Variants in MAP2K5 observed in about 807,000 individuals in gnomAD.
MAP2K5 encodes the protein mitogen-activated protein kinase kinase 5, also known as dual specificity mitogen-activated protein kinase kinase 5.
Under a neutral mutation model 83.1 loss-of-function variants are expected in MAP2K5, and 49 were observed. That is an observed-to-expected ratio of 0.59 (90% CI 0.47 to 0.75). The LOEUF (loss-of-function observed/expected upper bound fraction) is 0.75. Among genes scored for constraint, MAP2K5 ranks in the 30% least tolerant of loss-of-function variants. MAP2K5 has a pLI of 0.00. For missense variants in MAP2K5, 457 were observed against 557.5 expected (o/e 0.82, Z 1.82); for synonymous variants, 202 against 191.8 (o/e 1.05, Z -0.44).
intron 15 of MAP2K5, among the ~76,000 whole-genome samples, chr15:67,699,760 A>T (rs772415965): frequency 1.3e-5 from 2 of 152,220 alleles, no homozygotes; most frequent in Non-Finnish European, 2.9e-5. Context: ...CAGACTTAAG[A>T]TCACACATTT....
chr15:67,784,227 G>A (rs1386435516), intron 21 of MAP2K5, among the ~76,000 whole-genome samples: 1 of 152,160 alleles, frequency 6.6e-6, no homozygotes, highest in Non-Finnish European at 1.5e-5. Flanking sequence ...CTTGCCTAGA[G>A]TCACACAGCC....
In MAP2K5 at chr15:67,749,708, G is replaced by A. The variant is rs60375624; in HGVS notation, c.1134+1107G>A. ...ATGTTGATGTAAAAATGAAGGCATC[G>A]TCCTGAAACAAATGGAGGCTCCATT... is the stretch of plus-strand genomic sequence containing the variant. On this transcript the variant is annotated intron_variant, in intron 19 of 21. Coordinates refer to ENST00000178640, the MANE Select transcript of MAP2K5 (RefSeq NM_145160.3). This position sits in a 1 kb window ranked among gnomAD's most constrained non-coding sequence, Gnocchi z 4.6. 3.3e-5 allele frequency among the ~76,000 whole-genome samples: 5 copies of A among 152,262 alleles called. No individual in the cohort carries two copies. The highest frequency in any genetic ancestry group is 1.9e-4 in the East Asian group (1 of 5,184).
intron 4 of MAP2K5, among the ~76,000 whole-genome samples, chr15:67,584,228 T>C (rs1321312483): frequency 6.6e-6 from 1 of 152,214 alleles, no homozygotes; most frequent in Non-Finnish European, 1.5e-5. Flanking sequence ...AAATATGAGG[T>C]TACTGGGTTT....
At chr15:67,723,741 C>G (rs1428701446) in intron 16 of MAP2K5, among the ~76,000 whole-genome samples, 6 of 151,342 alleles carry the variant, frequency 4.0e-5, no homozygotes, top group Non-Finnish European at 7.4e-5. Context: ...CTACATTTTT[C>G]AGTACACTTT....
chr15:67,718,222 A>T (rs917720001), intron 16 of MAP2K5: 3 of 152,144 alleles, frequency 2.0e-5, no homozygotes, highest in Non-Finnish European at 4.4e-5. Flanking sequence ...CCCAGCCCTG[A>T]TGTTTTCTCA....
chr15:67,619,642 T>G (rs1293104656), intron 8 of MAP2K5, among the ~76,000 whole-genome samples: 3 of 152,162 alleles, frequency 2.0e-5, no homozygotes, highest in Admixed American at 6.5e-5. Flanking sequence ...GTCTACAATA[T>G]AGTTAAATAA....
chr15:67,654,827 G>A (rs1300175713), intron 11 of MAP2K5, among the ~76,000 whole-genome samples: 1 of 152,050 alleles, frequency 6.6e-6, no homozygotes, highest in Non-Finnish European at 1.5e-5. Context: ...TTGGGAGGCC[G>A]AGGTGCGCGG....
chr15:67,640,471 C>T lies in MAP2K5; in HGVS notation c.586-5760C>T. Reference sequence around the variant, plus strand: ...TGTGACTTCAAGCATGTCACTTGAACCTCCCAGTGACCTCAGCTGTGAAAC... The same window carrying T: ...TGTGACTTCAAGCATGTCACTTGAATCTCCCAGTGACCTCAGCTGTGAAAC... On this transcript the variant is annotated intron_variant, in intron 9 of 21. Transcript: ENST00000178640. The surrounding 1 kb of genome is among the most constrained non-coding windows in gnomAD (Gnocchi z 4.6). The T allele has an allele frequency of 2.4e-6, 1 of 423,770 alleles. No individual in the cohort carries two copies. The highest frequency in any genetic ancestry group is 3.2e-6 in the Non-Finnish European group (1 of 316,346). The allele number at this position is 423,770 out of a possible 1,614,324, so 26.3% of individuals were successfully genotyped here.
At chr15:67,620,263 C>T (rs1251012546) in intron 8 of MAP2K5, among the ~76,000 whole-genome samples, 2 of 151,976 alleles carry the variant, frequency 1.3e-5, no homozygotes, top group Non-Finnish European at 2.9e-5. Context: ...CCCAGCTATT[C>T]GGGAGGCTGA....
chr15:67,713,123 A>T (rs2088736858), intron 16 of MAP2K5, among the ~76,000 whole-genome samples: 1 of 152,072 alleles, frequency 6.6e-6, no homozygotes, highest in African/African-American at 2.4e-5. Flanking sequence ...TAGTATTCCT[A>T]TAGAAAAAAA....
intron 21 of MAP2K5, among the ~76,000 whole-genome samples, chr15:67,806,323 G>A (rs1426235728): frequency 6.6e-6 from 1 of 152,264 alleles, no homozygotes; most frequent in Non-Finnish European, 1.5e-5. Context: ...GCCGGGCAGA[G>A]GAAGGGCCAG....
In MAP2K5 at chr15:67,748,482, A is replaced by G. The variant is rs548720438; in HGVS notation, c.1102-87A>G. Reference sequence around the variant, plus strand: ...TTGTTGATTAATCTTGCTATATTTTATTGCATTAATGATTTTTTCTTTCCA... The same window carrying G: ...TTGTTGATTAATCTTGCTATATTTTGTTGCATTAATGATTTTTTCTTTCCA... On this transcript the variant is annotated intron_variant, in intron 18 of 21. Transcript: ENST00000178640. The surrounding 1 kb of genome is among the most constrained non-coding windows in gnomAD (Gnocchi z 4.0). 204 of 1,123,038 alleles carry G rather than the reference A, an allele frequency of 1.8e-4. 1 individual carries two copies. The African/African-American group carries it at 2.9e-3, about 16-fold the overall frequency. 69.6% of individuals were successfully genotyped at this position (1,123,038 alleles called of 1,614,324 possible).
intron 21 of MAP2K5, among the ~76,000 whole-genome samples, chr15:67,796,038 G>C (rs1275901451): frequency 6.6e-6 from 1 of 151,844 alleles, no homozygotes; most frequent in East Asian, 1.9e-4. Context: ...TCTTCTTTTG[G>C]TTAGTATTTG....
At chr15:67,723,542 A>T (rs1359451776) in intron 16 of MAP2K5, among the ~76,000 whole-genome samples, 1 of 152,182 alleles carries the variant, frequency 6.6e-6, no homozygotes, top group East Asian at 1.9e-4. Flanking sequence ...CAGTTTGCTA[A>T]ATCTTAAGTA....
intron 1 of MAP2K5, chr15:67,549,181 A>T: frequency 6.5e-7 from 1 of 1,535,710 alleles, no homozygotes; most frequent in Non-Finnish European, 8.7e-7. Context: ...TGGACTGGAC[A>T]TGATGGAGGG....
chr15:67,804,718 C>T (rs552217489), intron 21 of MAP2K5, among the ~76,000 whole-genome samples: 7 of 152,160 alleles, frequency 4.6e-5, no homozygotes, highest in South Asian at 2.1e-4. Context: ...TTACCCCGGG[C>T]GTGGGGGGAG....
chr15:67,739,458 ATATATTTTTTTTTTTTTTTTTTTTT>A (rs1478900432), intron 17 of MAP2K5, among the ~76,000 whole-genome samples: 11 of 18,944 alleles, frequency 5.8e-4, no homozygotes, highest in Non-Finnish European at 9.0e-4. Flanking sequence ...ATATATATAT[ATATATTTTTTTTTTTTTTTTTTTTT>A]TTTTTTTTTT....
intron 1 of MAP2K5, among the ~76,000 whole-genome samples, chr15:67,548,638 T>A (rs2084444175): frequency 6.6e-6 from 1 of 152,224 alleles, no homozygotes; most frequent in African/African-American, 2.4e-5. Flanking sequence ...TGTAGCTGTT[T>A]GGCTGCAATT....
chr15:67,605,055 T>C (rs541309067), intron 8 of MAP2K5, among the ~76,000 whole-genome samples: 2 of 152,036 alleles, frequency 1.3e-5, no homozygotes, highest in East Asian at 3.9e-4. Context: ...CATGGGACTC[T>C]TTTCTTTTTT....
Sources: gnomAD v4.1 joint callset for allele counts (sites outside exome capture counted in the v4.1 genomes callset) on GRCh38, gnomAD v4.1.1 for gene constraint, Gnocchi (gnomAD v3.1) non-coding constraint, MANE v1.5 for transcripts, NCBI Gene and HGNC (gene_info 2026-07-23, HGNC 2026-07-21) for gene names.